The following CHSY1 variants were observed in gnomAD, a reference collection of about 807,000 sequenced individuals.
The protein encoded by CHSY1 is chondroitin sulfate synthase 1.
In CHSY1, 13 loss-of-function variants were observed where a neutral mutation model predicts 59.8. The observed-to-expected ratio is 0.22, with a 90% confidence interval of 0.14 to 0.35. The LOEUF (loss-of-function observed/expected upper bound fraction) is 0.35, where lower values mean the gene tolerates loss of function less well. Ranked by LOEUF, CHSY1 falls within the 10% of genes least tolerant of loss-of-function variation. The pLI is 1.00. For synonymous variants in CHSY1, 459 were observed against 401.2 expected (o/e 1.14, Z -1.72); for missense variants, 947 against 1,030.6 (o/e 0.92, Z 1.11).
Position 101,235,344 on chromosome 15 carries a change from AG to A in CHSY1, c.553del (p.Leu185Ter). 1.2e-6 allele frequency: 2 copies of A among 1,614,204 alleles called. No individual in the cohort carries two copies. The highest frequency in any genetic ancestry group is 1.7e-6 in the Non-Finnish European group (2 of 1,180,040). Reference sequence around the variant, plus strand: ...GGGCTCGCTGCTGTTCAAACTCCTCAGGAAGTTCTCCAGACGGTCTCCTTTG... The same window carrying A: ...GGGCTCGCTGCTGTTCAAACTCCTCAGAAGTTCTCCAGACGGTCTCCTTTG... The part of the protein sequence containing the change: ...YIKGDRLENF[L>X]RSLNSSEPLF... On this transcript the variant is annotated frameshift_variant, in exon 2 of 3. Transcript: ENST00000254190. LOFTEE classifies it high-confidence loss of function.
chr15:101,198,328 C>T (rs966226050), intron 2 of CHSY1, among the ~76,000 whole-genome samples: 1 of 152,092 alleles, frequency 6.6e-6, no homozygotes, highest in Non-Finnish European at 1.5e-5. Flanking sequence ...GAACACAGTC[C>T]CCCGAAATCC....
intron 1 of CHSY1, among the ~76,000 whole-genome samples, chr15:101,245,878 C>A (rs1845115132): frequency 6.6e-6 from 1 of 152,194 alleles, no homozygotes. Flanking sequence ...GAAAAGCCTT[C>A]TGTATAAATG....
At chr15:101,231,552 T>C (rs374653279) in intron 2 of CHSY1, among the ~76,000 whole-genome samples, 1 of 152,156 alleles carries the variant, frequency 6.6e-6, no homozygotes, top group East Asian at 1.9e-4. Flanking sequence ...AAATCCACCT[T>C]TGCCTATCTC....
intron 2 of CHSY1, among the ~76,000 whole-genome samples, chr15:101,227,118 A>G (rs1385697056): frequency 6.6e-6 from 1 of 152,206 alleles, no homozygotes; most frequent in Non-Finnish European, 1.5e-5. Context: ...TTTTGGTAAC[A>G]GTAAGCTTGG....
intron 2 of CHSY1, among the ~76,000 whole-genome samples, chr15:101,191,311 A>G (rs963712542): frequency 6.6e-6 from 1 of 152,250 alleles, no homozygotes; most frequent in African/African-American, 2.4e-5. Flanking sequence ...AAGAAGCCAA[A>G]CTGAAAAGGC....
intron 1 of CHSY1, among the ~76,000 whole-genome samples, chr15:101,244,071 C>G (rs962804139): frequency 2.0e-5 from 3 of 152,154 alleles, no homozygotes; most frequent in African/African-American, 7.2e-5. Context: ...TATTTGTCTA[C>G]AGAAAAAATG....
At position 101,213,633 on chromosome 15, in the gene CHSY1, G is replaced by C. The variant is rs550414297; in HGVS notation, c.816+21449C>G. 1.5e-4 allele frequency among the ~76,000 whole-genome samples: 23 copies of C among 152,270 alleles called. No homozygotes were observed. The South Asian group carries it at 4.8e-3, about 32-fold the overall frequency. On this transcript the variant is annotated intron_variant, in intron 2 of 2. Transcript: ENST00000254190. Reference sequence around the variant, plus strand: ...TGTATTCCACACAATAGCTGACATAGAGACCCAAATGAACAAGCAAGTAGG... The same window carrying C: ...TGTATTCCACACAATAGCTGACATACAGACCCAAATGAACAAGCAAGTAGG...
intron 2 of CHSY1, among the ~76,000 whole-genome samples, chr15:101,215,564 G>A (rs542248865): frequency 4.0e-4 from 61 of 152,262 alleles, no homozygotes; most frequent in South Asian, 1.5e-3. Context: ...GCAAAACCCC[G>A]TCTCTACTGA....
chr15:101,183,978 A>G (rs1254949150), intron 2 of CHSY1, among the ~76,000 whole-genome samples: 1 of 152,230 alleles, frequency 6.6e-6, no homozygotes. Context: ...TTAAAGAGAA[A>G]ATATATACTA....
chr15:101,178,264 C>T lies in CHSY1; in HGVS notation c.1533G>A (p.Leu511=). 1 of 1,613,832 alleles carries T rather than the reference C, an allele frequency of 6.2e-7. No homozygotes were observed. The highest frequency in any genetic ancestry group is 8.5e-7 in the Non-Finnish European group (1 of 1,179,708). The change falls in exon 3 of 3, where the codon CTG becomes CTA. Residue 511 remains leucine, a synonymous_variant. Coordinates refer to ENST00000254190, the MANE Select transcript of CHSY1 (RefSeq NM_014918.5). ...GGAGCTGAAAGGGGACGAGCTTCTTCAGGGAGTTTGAGAGAAAGGACAAGG... is the reference window on the plus strand; with the variant it reads ...GGAGCTGAAAGGGGACGAGCTTCTTTAGGGAGTTTGAGAGAAAGGACAAGG... ...SGSLSFLSNS[L]KKLVPFQLPG...
rs543262380 is a variant in CHSY1 at position 101,199,229 on chromosome 15, C to T, written c.817-20249G>A. 2.3e-4 allele frequency among the ~76,000 whole-genome samples: 35 copies of T among 152,290 alleles called. No homozygotes were observed. In the South Asian group the frequency reaches 6.2e-3, roughly 27 times the overall value. On this transcript the variant is annotated intron_variant, in intron 2 of 2. Coordinates refer to ENST00000254190, the MANE Select transcript of CHSY1 (RefSeq NM_014918.5). ...TTCAAAAAACATCACTGCGGCCGGGCGCAGTGGCTCATGCCTGTAATCCCT... is the reference window on the plus strand; with the variant it reads ...TTCAAAAAACATCACTGCGGCCGGGTGCAGTGGCTCATGCCTGTAATCCCT...
rs753652939 is a variant in CHSY1 at position 101,251,151 on chromosome 15, G to A, written c.306C>T (p.Ala102=). Reference sequence around the variant, plus strand: ...CAGGGGCTCACCTGTAGGCGGCCACGGCCCGAGTCTGCAGGTATTTCTGGG... The same window carrying A: ...CAGGGGCTCACCTGTAGGCGGCCACAGCCCGAGTCTGCAGGTATTTCTGGG... ...MTAQKYLQTR[A]VAAYRTWSKT... The change falls in exon 1 of 3, where the codon GCC becomes GCT. Residue 102 remains alanine (A), a synonymous_variant. Coordinates refer to ENST00000254190, the MANE Select transcript of CHSY1 (RefSeq NM_014918.5). 5 of 1,590,876 alleles carry A rather than the reference G, an allele frequency of 3.1e-6. No individual in the cohort carries two copies. Among genetic ancestry groups the A allele is most frequent in the Non-Finnish European group, 4.3e-6 (5 of 1,172,628 alleles).
At chr15:101,250,688 AG>A (rs1346011533) in intron 1 of CHSY1, among the ~76,000 whole-genome samples, 2 of 152,228 alleles carry the variant, frequency 1.3e-5, no homozygotes, top group African/African-American at 4.8e-5. Flanking sequence ...GAAAGGTTCT[AG>A]AACTAGATTA....
At chr15:101,220,758 C>T (rs2038780305) in intron 2 of CHSY1, among the ~76,000 whole-genome samples, 1 of 152,246 alleles carries the variant, frequency 6.6e-6, no homozygotes, top group Admixed American at 6.5e-5. Context: ...CTCTCACTCA[C>T]GTGCTCTAAC....
chr15:101,231,891 T>C (rs975901646), intron 2 of CHSY1, among the ~76,000 whole-genome samples: 3 of 152,344 alleles, frequency 2.0e-5, no homozygotes, highest in Admixed American at 6.5e-5. Flanking sequence ...TGAGTCAATA[T>C]TGCTGACACC....
rs568226700 is a variant in CHSY1, at chr15:101,195,122, A to G, written c.817-16142T>C. ...TTTTAAACCTTCTTTATTATTATAA[A>G]ACAATATATACTTATTATAAAATTC... On this transcript the variant is annotated intron_variant, in intron 2 of 2. Transcript: ENST00000254190. Among the ~76,000 whole-genome samples, 76 of 152,348 alleles carry G rather than the reference A, an allele frequency of 5.0e-4. No homozygotes were observed. The South Asian group carries it at 0.016, about 31-fold the overall frequency.
intron 2 of CHSY1, among the ~76,000 whole-genome samples, chr15:101,232,582 A>G (rs1381817053): frequency 6.6e-6 from 1 of 152,236 alleles, no homozygotes; most frequent in Non-Finnish European, 1.5e-5. Flanking sequence ...GAAGGGAAGA[A>G]TTTCTTAAAC....
intron 1 of CHSY1, among the ~76,000 whole-genome samples, chr15:101,236,942 G>A (rs900343529): frequency 7.9e-5 from 12 of 152,090 alleles, no homozygotes; most frequent in East Asian, 3.9e-4. Flanking sequence ...AAATGTGGCC[G>A]GGGGCAGTGG....
chr15:101,196,077 T>C (rs2038503947), intron 2 of CHSY1, among the ~76,000 whole-genome samples: 1 of 151,898 alleles, frequency 6.6e-6, no homozygotes, highest in African/African-American at 2.4e-5. Context: ...GGTGAAACCC[T>C]GTCTCTACTA....
Sources: allele counts gnomAD v4.1 joint callset (sites outside exome capture counted in the v4.1 genomes callset), GRCh38; gene constraint gnomAD v4.1.1; transcripts MANE v1.5; gene names NCBI Gene and HGNC (gene_info 2026-07-23, HGNC 2026-07-21).